Variants in ANTXR1 observed in about 807,000 individuals in gnomAD.
ANTXR1 encodes ANTXR cell adhesion molecule 1, also known as anthrax toxin receptor 1.
ANTXR1 carries 19 observed loss-of-function variants against 78.1 expected under a neutral mutation model. The ratio of observed to expected loss-of-function variants is 0.24; its 90% CI spans 0.17 to 0.36. The LOEUF (loss-of-function observed/expected upper bound fraction) is 0.36. Among genes scored for constraint, ANTXR1 ranks in the 10% least tolerant of loss-of-function variants. ANTXR1 has a pLI of 1.00. For missense variants in ANTXR1, 518 were observed against 718.6 expected, an observed-to-expected ratio of 0.72 and a Z score of 3.19; for synonymous variants, 273 against 260.5, an observed-to-expected ratio of 1.05 and a Z score of -0.46.
chr2:69,075,886 G>A (rs1670716810), intron 7 of ANTXR1, among the ~76,000 whole-genome samples: 1 of 152,162 alleles, frequency 6.6e-6, no homozygotes, highest in Non-Finnish European at 1.5e-5. Context: ...ATCTTTCTTG[G>A]CAAACATTAA....
At chr2:69,241,552 T>A (rs1345098158) in intron 17 of ANTXR1, among the ~76,000 whole-genome samples, 2 of 152,270 alleles carry the variant, frequency 1.3e-5, no homozygotes, top group East Asian at 3.9e-4. Context: ...AAGAAATAAG[T>A]TACAGGACTT....
chr2:69,087,006 C>A (rs1409749495), intron 8 of ANTXR1, among the ~76,000 whole-genome samples: 1 of 152,184 alleles, frequency 6.6e-6, no homozygotes. Flanking sequence ...AACAAAATAT[C>A]TCTGCGTTCA....
At chr2:69,167,638 G>A (rs1474634453) in intron 13 of ANTXR1, among the ~76,000 whole-genome samples, 1 of 152,206 alleles carries the variant, frequency 6.6e-6, no homozygotes, top group African/African-American at 2.4e-5. Context: ...CTCCCCAGGG[G>A]CAAGCTTTCG....
At chr2:69,224,155 C>A (rs1675386450) in intron 17 of ANTXR1, among the ~76,000 whole-genome samples, 1 of 152,242 alleles carries the variant, frequency 6.6e-6, no homozygotes. Context: ...GCCAAAAACA[C>A]AAATAGGATC....
At chr2:69,128,984 A>G (rs1672638639) in intron 12 of ANTXR1, among the ~76,000 whole-genome samples, 1 of 152,222 alleles carries the variant, frequency 6.6e-6, no homozygotes, top group Admixed American at 6.5e-5. Flanking sequence ...CTGAGCCAGA[A>G]GCAGAAATTC....
intron 1 of ANTXR1, among the ~76,000 whole-genome samples, chr2:69,017,935 A>G (rs1156958751): frequency 6.6e-6 from 1 of 151,880 alleles, no homozygotes; most frequent in Non-Finnish European, 1.5e-5. Context: ...GTATATGTTT[A>G]TGTATTACAT....
At chr2:69,120,529 C>A (rs4303745) in intron 10 of ANTXR1, among the ~76,000 whole-genome samples, 2 of 151,706 alleles carry the variant, frequency 1.3e-5, no homozygotes, top group African/African-American at 4.9e-5. Context: ...TTAGGTGGGC[C>A]TGGTGGCAGG....
At chr2:69,126,437 T>TCC (rs892302354) in intron 12 of ANTXR1, among the ~76,000 whole-genome samples, 3 of 152,212 alleles carry the variant, frequency 2.0e-5, no homozygotes, top group Non-Finnish European at 4.4e-5. Flanking sequence ...TGAAATTTCT[T>TCC]CAAGTGTATC....
chr2:69,063,207 A>G (rs1385170088), intron 3 of ANTXR1, among the ~76,000 whole-genome samples: 6 of 152,174 alleles, frequency 3.9e-5, no homozygotes, highest in Admixed American at 2.6e-4. Context: ...CTCAAGCAGG[A>G]CAAATGCAAA....
chr2:69,145,571 A>C, intron 12 of ANTXR1: 1 of 1,382,338 alleles, frequency 7.2e-7, no homozygotes, highest in Non-Finnish European at 9.3e-7. Flanking sequence ...TCCTTAACCA[A>C]CAGTTTTCAA....
At chr2:69,228,495 G>C (rs1225515729) in intron 17 of ANTXR1, among the ~76,000 whole-genome samples, 1 of 152,144 alleles carries the variant, frequency 6.6e-6, no homozygotes, top group East Asian at 1.9e-4. Flanking sequence ...ATCTTCACTC[G>C]GTCACTTACT....
intron 10 of ANTXR1, among the ~76,000 whole-genome samples, chr2:69,106,692 G>A (rs1028650216): frequency 6.6e-6 from 1 of 152,188 alleles, no homozygotes; most frequent in Non-Finnish European, 1.5e-5. Flanking sequence ...AAATGTGTCC[G>A]TGATCTTCCT....
chr2:69,030,748 A>G (rs556110362), intron 1 of ANTXR1, among the ~76,000 whole-genome samples: 10 of 152,180 alleles, frequency 6.6e-5, no homozygotes, highest in Non-Finnish European at 1.2e-4. Flanking sequence ...ATGCCTCCAT[A>G]TATCTCCCAA....
At chr2:69,240,996 G>A (rs915705671) in intron 17 of ANTXR1, among the ~76,000 whole-genome samples, 3 of 152,160 alleles carry the variant, frequency 2.0e-5, no homozygotes, top group Admixed American at 6.5e-5. Context: ...CATTTAGCTG[G>A]AGATATTGTT....
Position 69,165,226 on chromosome 2 carries a change from T to C in ANTXR1, c.1048-5022T>C, listed in dbSNP as rs562375818. Among the ~76,000 whole-genome samples, 13 of 152,340 alleles carry C rather than the reference T, an allele frequency of 8.5e-5. 1 individual carries two copies. The highest frequency in any genetic ancestry group is 6.2e-4 in the South Asian group (3 of 4,832). Reference sequence around the variant, plus strand: ...CTTCATTTCGTTAATAAAGGAGTTATCTGAAGCAGCTCTCTTGGACTTTGT... The same window carrying C: ...CTTCATTTCGTTAATAAAGGAGTTACCTGAAGCAGCTCTCTTGGACTTTGT... On this transcript the variant is annotated intron_variant, in intron 13 of 17. Coordinates refer to ENST00000303714, the MANE Select transcript of ANTXR1 (RefSeq NM_032208.3).
chr2:69,219,787 T>C (rs1404482496), intron 17 of ANTXR1, among the ~76,000 whole-genome samples: 4 of 152,204 alleles, frequency 2.6e-5, no homozygotes, highest in African/African-American at 9.6e-5. Flanking sequence ...GATCAAGTCA[T>C]TGTCCTAGAA....
intron 17 of ANTXR1, among the ~76,000 whole-genome samples, chr2:69,226,449 T>C (rs1240095656): frequency 6.6e-6 from 1 of 152,108 alleles, no homozygotes; most frequent in African/African-American, 2.4e-5. Context: ...AAGGTCAAGC[T>C]AGTTCCAAAG....
intron 12 of ANTXR1, among the ~76,000 whole-genome samples, chr2:69,130,821 A>G (rs566737115): frequency 1.3e-5 from 2 of 152,320 alleles, no homozygotes; most frequent in African/African-American, 4.8e-5. Flanking sequence ...TTGAGTCTCT[A>G]CGATAAGACT....
intron 17 of ANTXR1, among the ~76,000 whole-genome samples, chr2:69,203,564 T>C (rs4491753): frequency 0.59 from 89,435 of 151,926 alleles, 26,833 homozygotes; most frequent in East Asian, 0.9. Flanking sequence ...CACCAACTTC[T>C]TTCTCCCATG....
Sources: gnomAD v4.1 joint callset for allele counts (sites outside exome capture counted in the v4.1 genomes callset) on GRCh38, gnomAD v4.1.1 for gene constraint, MANE v1.5 for transcripts, NCBI Gene and HGNC (gene_info 2026-07-23, HGNC 2026-07-21) for gene names.